Variants in RANBP9 observed in about 807,000 individuals in gnomAD.
The protein encoded by RANBP9 is ran-binding protein 9.
In RANBP9, 15 loss-of-function variants were observed where a neutral mutation model predicts 84.3. That is an observed-to-expected ratio of 0.18 (90% CI 0.12 to 0.27). The LOEUF (loss-of-function observed/expected upper bound fraction) is 0.27, where lower values mean the gene tolerates loss of function less well. RANBP9 is among the 10% of genes least tolerant of loss of function. The probability of loss-of-function intolerance (pLI) is 1.00; values close to 1 mark genes in which losing one functional copy is unlikely to be tolerated. For synonymous variants in RANBP9, 392 were observed against 349.6 expected, an observed-to-expected ratio of 1.12 and a Z score of -1.35; for missense variants, 809 against 912.8, an observed-to-expected ratio of 0.89 and a Z score of 1.46.
At chr6:13,638,061 G>A in intron 9 of RANBP9, 106 bp from the exon 10 acceptor site, 4 of 1,010,130 alleles carry the variant, frequency 4.0e-6, no homozygotes, top group Non-Finnish European at 4.1e-6. Context: ...TAGAACGTAG[G>A]AGAGTCAATG....
chr6:13,647,780 T>C (rs1021376731), intron 5 of RANBP9, among the ~76,000 whole-genome samples: 1 of 152,306 alleles, frequency 6.6e-6, no homozygotes, highest in East Asian at 1.9e-4. Flanking sequence ...CTTTTAGTAA[T>C]ATTAAGTCAG....
chr6:13,700,574 A>C (rs1172782159), intron 1 of RANBP9, among the ~76,000 whole-genome samples: 2 of 152,154 alleles, frequency 1.3e-5, no homozygotes, highest in African/African-American at 4.8e-5. Flanking sequence ...ACTTGGTTGA[A>C]GCTCCTTTTT....
At chr6:13,624,984 A>T (rs933544646) in intron 13 of RANBP9, among the ~76,000 whole-genome samples, 1 of 152,200 alleles carries the variant, frequency 6.6e-6, no homozygotes, top group Non-Finnish European at 1.5e-5. Context: ...TAGCTCAAGC[A>T]AAATGGTTGG....
At chr6:13,697,858 G>A (rs544938400) in intron 1 of RANBP9, among the ~76,000 whole-genome samples, 2 of 152,322 alleles carry the variant, frequency 1.3e-5, no homozygotes, top group South Asian at 4.1e-4. Flanking sequence ...GGGTGTTCTA[G>A]TTAAATATGC....
At chr6:13,653,964 G>T (rs182041283) in intron 4 of RANBP9, among the ~76,000 whole-genome samples, 33 of 151,946 alleles carry the variant, frequency 2.2e-4, no homozygotes, top group Middle Eastern at 3.4e-3. Flanking sequence ...AAAGAATACA[G>T]AAAGCAAGAG....
At chr6:13,692,609 TG>T (rs903050040) in intron 2 of RANBP9, among the ~76,000 whole-genome samples, 1 of 150,316 alleles carries the variant, frequency 6.7e-6, no homozygotes, top group Non-Finnish European at 1.5e-5. Flanking sequence ...CCCAGCACTT[TG>T]GGTGGCAGAG....
chr6:13,686,347 G>C (rs577163912), intron 2 of RANBP9, among the ~76,000 whole-genome samples: 1 of 151,254 alleles, frequency 6.6e-6, no homozygotes, highest in Non-Finnish European at 1.5e-5. Context: ...GTGCAGCGGC[G>C]CGATCTTGGC....
At chr6:13,676,659 T>C (rs1765891070) in intron 2 of RANBP9, among the ~76,000 whole-genome samples, 1 of 151,868 alleles carries the variant, frequency 6.6e-6, no homozygotes, top group African/African-American at 2.4e-5. Flanking sequence ...AAAAAAGAAC[T>C]ATACACCAAG....
chr6:13,642,529 G>A lies in RANBP9; in HGVS notation c.1175C>T (p.Ser392Phe), dbSNP rs1352672733. 1 of 1,612,120 alleles carries A rather than the reference G, an allele frequency of 6.2e-7. No individual in the cohort carries two copies. The highest frequency in any genetic ancestry group is 1.1e-5 in the South Asian group (1 of 90,982). The part of the protein sequence containing the change: ...YCATAEAFAR[S>F]TDQTVLEELA... The stretch of plus-strand genomic sequence containing the variant: ...TTCTTCTAGAACGGTCTGGTCTGTA[G>A]ATCTGGCAAAGGCCTCTGCTGTGGC... Residue 392 changes from serine (S) to phenylalanine (F), a missense_variant, in exon 7 of 14, where the codon TCT (serine) becomes TTT (phenylalanine). Physicochemically the swap from Ser to Phe is radical, Grantham distance 155. Around this residue, in one of 5 missense-constraint regions of RANBP9, gnomAD observed 216 missense variants for 329.0 expected, o/e 0.66. Coordinates refer to ENST00000011619, the MANE Select transcript of RANBP9 (RefSeq NM_005493.3).
chr6:13,685,929 C>CAA (rs566635171), intron 2 of RANBP9, among the ~76,000 whole-genome samples: 18 of 99,642 alleles, frequency 1.8e-4, no homozygotes, highest in African/African-American at 4.3e-4. Flanking sequence ...GACTCTGTCT[C>CAA]AAAAAAAAAA....
chr6:13,686,207 C>G (rs1001722104), intron 2 of RANBP9, among the ~76,000 whole-genome samples: 7 of 146,366 alleles, frequency 4.8e-5, no homozygotes, highest in African/African-American at 7.5e-5. Context: ...TGGGCTCAAG[C>G]GATCTTCCTG....
chr6:13,650,169 T>G (rs1408900747), intron 5 of RANBP9, among the ~76,000 whole-genome samples: 1 of 150,732 alleles, frequency 6.6e-6, no homozygotes, highest in East Asian at 1.9e-4. Context: ...TTTTTTTGTT[T>G]TTTTTTTTTT....
chr6:13,658,545 G>A (rs747998676), intron 3 of RANBP9, among the ~76,000 whole-genome samples: 25 of 152,196 alleles, frequency 1.6e-4, no homozygotes, highest in Non-Finnish European at 2.8e-4. Flanking sequence ...AGGAGGCAGA[G>A]GTTGCAGTGG....
chr6:13,648,045 CT>C (rs1248300865), intron 5 of RANBP9, among the ~76,000 whole-genome samples: 2 of 152,094 alleles, frequency 1.3e-5, no homozygotes, highest in Non-Finnish European at 2.9e-5. Flanking sequence ...CCCGTTCCCC[CT>C]GGCAACCACT....
intron 10 of RANBP9, among the ~76,000 whole-genome samples, chr6:13,634,835 C>A (rs1206027247): frequency 6.6e-6 from 1 of 152,160 alleles, no homozygotes; most frequent in South Asian, 2.1e-4. Context: ...CATACTTCCA[C>A]ACAATCCTAT....
At chr6:13,675,898 A>G (rs1240438376) in intron 2 of RANBP9, among the ~76,000 whole-genome samples, 11 of 152,056 alleles carry the variant, frequency 7.2e-5, no homozygotes, top group South Asian at 2.1e-4. Context: ...AATGGATTTC[A>G]AGGCAATTCC....
chr6:13,662,639 T>C (rs896665673), intron 2 of RANBP9, among the ~76,000 whole-genome samples: 2 of 152,200 alleles, frequency 1.3e-5, no homozygotes, highest in Non-Finnish European at 2.9e-5. Context: ...AGGTGTTTTC[T>C]ATGAAGCAGA....
At chr6:13,657,668 C>T (rs1009445917) in intron 3 of RANBP9, among the ~76,000 whole-genome samples, 9 of 152,176 alleles carry the variant, frequency 5.9e-5, no homozygotes, top group African/African-American at 2.2e-4. Context: ...CCTATTCAAT[C>T]ACTGCAAGTT....
intron 2 of RANBP9, among the ~76,000 whole-genome samples, chr6:13,694,017 T>G (rs950584133): frequency 1.3e-5 from 2 of 152,148 alleles, no homozygotes; most frequent in Non-Finnish European, 2.9e-5. Context: ...TACTCCAGCC[T>G]GGGTGACAGA....
Sources: allele counts gnomAD v4.1 joint callset (sites outside exome capture counted in the v4.1 genomes callset), GRCh38; gene constraint gnomAD v4.1.1; regional missense constraint gnomAD v4.1.1; transcripts MANE v1.5; gene names NCBI Gene and HGNC (gene_info 2026-07-23, HGNC 2026-07-21).